FAF1: variants seen among roughly 807,000 people sequenced by gnomAD.
FAF1 encodes Fas associated factor 1.
FAF1 carries 25 observed loss-of-function variants against 92.5 expected under a neutral mutation model. That is an observed-to-expected ratio of 0.27 (90% CI 0.20 to 0.38). The LOEUF is 0.38. FAF1 is among the 10% of genes least tolerant of loss of function. The pLI is 1.00. For synonymous variants in FAF1, 234 were observed against 273.2 expected (o/e 0.86, Z 1.42); for missense variants, 636 against 793.3 (o/e 0.80, Z 2.38).
intron 2 of FAF1, among the ~76,000 whole-genome samples, chr1:50,810,250 T>C (rs1662368179): frequency 6.6e-6 from 1 of 152,258 alleles, no homozygotes; most frequent in South Asian, 2.1e-4. Flanking sequence ...AGCGAGACTC[T>C]GTCTCAAAAC....
intron 18 of FAF1, among the ~76,000 whole-genome samples, chr1:50,455,229 C>A (rs1195989892): frequency 6.6e-6 from 1 of 152,234 alleles, no homozygotes; most frequent in Non-Finnish European, 1.5e-5. Flanking sequence ...TTTCCCTAAA[C>A]TGCTGTTGGA....
intron 15 of FAF1, among the ~76,000 whole-genome samples, chr1:50,504,569 T>C (rs1219272826): frequency 6.6e-6 from 1 of 152,120 alleles, no homozygotes; most frequent in African/African-American, 2.4e-5. Flanking sequence ...GGATGAACCA[T>C]ACCTAAAGAG....
At chr1:50,554,695 C>T (rs1231619183) in intron 13 of FAF1, among the ~76,000 whole-genome samples, 1 of 152,084 alleles carries the variant, frequency 6.6e-6, no homozygotes, top group African/African-American at 2.4e-5. Context: ...TCTGATATAT[C>T]AAACCTCACC....
chr1:50,952,866 G>A (rs1430005428), intron 1 of FAF1, among the ~76,000 whole-genome samples: 1 of 151,964 alleles, frequency 6.6e-6, no homozygotes, highest in African/African-American at 2.4e-5. Flanking sequence ...GAGCCCCTCT[G>A]CCCGGCCGCC....
intron 6 of FAF1, among the ~76,000 whole-genome samples, chr1:50,717,400 G>A (rs1658222163): frequency 6.6e-6 from 1 of 152,182 alleles, no homozygotes; most frequent in African/African-American, 2.4e-5. Context: ...GACACAATGA[G>A]AAGGTGACAA....
chr1:50,868,127 T>TG (rs1478469991), intron 1 of FAF1, among the ~76,000 whole-genome samples: 1 of 152,066 alleles, frequency 6.6e-6, no homozygotes, highest in East Asian at 1.9e-4. Flanking sequence ...AGCTAAGCTA[T>TG]GAGGATGCAA....
At chr1:50,689,892 C>T (rs1167738075) in intron 7 of FAF1, among the ~76,000 whole-genome samples, 3 of 151,910 alleles carry the variant, frequency 2.0e-5, no homozygotes, top group Non-Finnish European at 4.4e-5. Context: ...CAAATTTGTA[C>T]CCATTAAACA....
intron 13 of FAF1, among the ~76,000 whole-genome samples, chr1:50,548,963 A>T (rs2149045201): frequency 6.6e-6 from 1 of 152,312 alleles, no homozygotes; most frequent in Non-Finnish European, 1.5e-5. Flanking sequence ...TGGATTAATA[A>T]ATTCTACTTG....
chr1:50,701,962 C>A (rs1178696285), intron 7 of FAF1, among the ~76,000 whole-genome samples: 1 of 152,050 alleles, frequency 6.6e-6, no homozygotes, highest in Non-Finnish European at 1.5e-5. Context: ...ATTCATCATG[C>A]TTCTTGTTGT....
intron 8 of FAF1, among the ~76,000 whole-genome samples, chr1:50,599,026 T>A (rs1486771484): frequency 6.6e-6 from 1 of 152,190 alleles, no homozygotes; most frequent in Non-Finnish European, 1.5e-5. Context: ...GGCACAGGGT[T>A]CTTGAGATTC....
At chr1:50,701,924 G>A (rs920190479) in intron 7 of FAF1, among the ~76,000 whole-genome samples, 1 of 152,062 alleles carries the variant, frequency 6.6e-6, no homozygotes, top group African/African-American at 2.4e-5. Context: ...GTGAAACTTG[G>A]AAGAGGATTT....
chr1:50,468,158 A>G (rs4926555), intron 18 of FAF1, among the ~76,000 whole-genome samples: 77,577 of 151,870 alleles, frequency 0.51, 21,192 homozygotes, highest in African/African-American at 0.68. Context: ...GCAGTGAGCT[A>G]TAATTGTGTC....
intron 2 of FAF1, among the ~76,000 whole-genome samples, chr1:50,814,503 T>C (rs1643948408): frequency 6.6e-6 from 1 of 152,226 alleles, no homozygotes; most frequent in South Asian, 2.1e-4. Flanking sequence ...TACATTCATC[T>C]ACATGGCTGT....
At chr1:50,777,743 G>GA (rs549071005) in intron 4 of FAF1, among the ~76,000 whole-genome samples, 2,490 of 79,792 alleles carry the variant, frequency 0.031, 36 homozygotes, top group South Asian at 0.072. Context: ...TTCATTTTAA[G>GA]AAAAAAAAAA....
At chr1:50,763,072 T>C (rs1458206646) in intron 4 of FAF1, among the ~76,000 whole-genome samples, 1 of 152,056 alleles carries the variant, frequency 6.6e-6, no homozygotes. Flanking sequence ...CTAGCCAACA[T>C]ACTGAAACCC....
intron 7 of FAF1, among the ~76,000 whole-genome samples, chr1:50,662,818 A>T: frequency 6.8e-6 from 1 of 146,500 alleles, no homozygotes; most frequent in East Asian, 2.1e-4. Context: ...CTCCTGCCTC[A>T]GCCTCCCGAG....
chr1:50,511,580 T>C (rs910104527), intron 15 of FAF1, among the ~76,000 whole-genome samples: 3 of 152,290 alleles, frequency 2.0e-5, no homozygotes, highest in Non-Finnish European at 4.4e-5. Context: ...CACGAACTCA[T>C]CCTTTTTTAT....
chr1:50,837,456 G>T (rs1188676348), intron 2 of FAF1, among the ~76,000 whole-genome samples: 2 of 152,120 alleles, frequency 1.3e-5, no homozygotes, highest in East Asian at 3.9e-4. Flanking sequence ...GCTTCCTCAT[G>T]ATTAGATTCA....
intron 15 of FAF1, among the ~76,000 whole-genome samples, chr1:50,493,104 C>T (rs935495953): frequency 5.3e-5 from 8 of 151,254 alleles, no homozygotes; most frequent in Non-Finnish European, 1.2e-4. Context: ...ACGATCTCCA[C>T]TCACTGCACC....
Sources: allele counts gnomAD v4.1 joint callset (sites outside exome capture counted in the v4.1 genomes callset), GRCh38; gene constraint gnomAD v4.1.1; transcripts MANE v1.5; gene names NCBI Gene and HGNC (gene_info 2026-07-23, HGNC 2026-07-21).